Variants in ASPH observed in about 807,000 individuals in gnomAD.
ASPH encodes the protein aspartyl/asparaginyl beta-hydroxylase.
ASPH carries 100 observed loss-of-function variants against 118.4 expected under a neutral mutation model. The ratio of observed to expected loss-of-function variants is 0.84; its 90% CI spans 0.72 to 1.00. The LOEUF is 1.00. Among genes scored for constraint, ASPH ranks in the 50% least tolerant of loss-of-function variants. ASPH has a pLI of 0.00. For missense variants in ASPH, 920 were observed against 919.5 expected, an observed-to-expected ratio of 1.00 and a Z score of -0.01; for synonymous variants, 315 against 325.6, an observed-to-expected ratio of 0.97 and a Z score of 0.35.
At chr8:61,509,117 G>A (rs1807814670) in intron 24 of ASPH, among the ~76,000 whole-genome samples, 1 of 152,034 alleles carries the variant, frequency 6.6e-6, no homozygotes. Context: ...AGGCACTGAA[G>A]GAGGAGGAAA....
chr8:61,567,749 C>T (rs1406600271), intron 16 of ASPH, among the ~76,000 whole-genome samples: 1 of 152,158 alleles, frequency 6.6e-6, no homozygotes, highest in Non-Finnish European at 1.5e-5. Context: ...ACTGACAAAG[C>T]CCTTTTTGCT....
At chr8:61,538,834 T>C (rs898580045) in intron 21 of ASPH, among the ~76,000 whole-genome samples, 1 of 152,268 alleles carries the variant, frequency 6.6e-6, no homozygotes, top group Non-Finnish European at 1.5e-5. Context: ...TTTATGATGC[T>C]GTTTGGATGT....
intron 3 of ASPH, chr8:61,676,317 G>C: frequency 6.3e-6 from 10 of 1,580,614 alleles, no homozygotes; most frequent in Admixed American, 1.8e-5. Flanking sequence ...TCTTTGGTCA[G>C]GCCTACATAA....
intron 22 of ASPH, among the ~76,000 whole-genome samples, chr8:61,523,320 CTTTTTTTT>C (rs781759491): frequency 8.5e-6 from 1 of 118,232 alleles, no homozygotes; most frequent in Non-Finnish European, 2.0e-5. Flanking sequence ...TTCTTTCTTT[CTTTTTTTT>C]TTTTTTTTTG....
chr8:61,566,923 A>T (rs1014764271), intron 17 of ASPH, among the ~76,000 whole-genome samples: 3 of 152,204 alleles, frequency 2.0e-5, no homozygotes, highest in Non-Finnish European at 2.9e-5. Flanking sequence ...AAATTTGTGT[A>T]ACTCTCTTTA....
intron 1 of ASPH, among the ~76,000 whole-genome samples, chr8:61,689,071 AG>A (rs530066127): frequency 4.6e-5 from 7 of 152,360 alleles, no homozygotes; most frequent in Admixed American, 4.6e-4. Flanking sequence ...ATTAATGGAA[AG>A]ACTATCTTAA....
chr8:61,706,490 G>A (rs2151905514), intron 1 of ASPH, among the ~76,000 whole-genome samples: 1 of 148,894 alleles, frequency 6.7e-6, no homozygotes, highest in African/African-American at 2.5e-5. Context: ...AAAGAAGAAA[G>A]AAGAAAAAAG....
chr8:61,713,193 C>A (rs1838483323), intron 1 of ASPH, among the ~76,000 whole-genome samples: 1 of 152,210 alleles, frequency 6.6e-6, no homozygotes, highest in South Asian at 2.1e-4. Context: ...ATTTAATGCA[C>A]TACTTTCCCC....
chr8:61,653,025 T>C (rs1811845326), intron 4 of ASPH, among the ~76,000 whole-genome samples: 1 of 152,186 alleles, frequency 6.6e-6, no homozygotes, highest in Non-Finnish European at 1.5e-5. Flanking sequence ...TATTAAAATA[T>C]TTCACGACTT....
intron 16 of ASPH, among the ~76,000 whole-genome samples, chr8:61,568,043 T>C (rs1832325980): frequency 6.6e-6 from 1 of 151,634 alleles, no homozygotes; most frequent in African/African-American, 2.4e-5. Flanking sequence ...GCCAGTGCAG[T>C]GGAGGGGAGG....
At chr8:61,533,926 G>T (rs1563726908) in intron 21 of ASPH, among the ~76,000 whole-genome samples, 1 of 152,122 alleles carries the variant, frequency 6.6e-6, no homozygotes. Flanking sequence ...AAATGCATGT[G>T]CTCAGTTTGT....
chr8:61,595,720 A>G (rs2133191766), intron 14 of ASPH, among the ~76,000 whole-genome samples: 1 of 152,358 alleles, frequency 6.6e-6, no homozygotes, highest in South Asian at 2.1e-4. Context: ...ACACAGGGAA[A>G]TAAAAATAAG....
intron 5 of ASPH, among the ~76,000 whole-genome samples, chr8:61,648,900 T>G (rs1207505882): frequency 6.6e-6 from 1 of 152,140 alleles, no homozygotes; most frequent in Non-Finnish European, 1.5e-5. Flanking sequence ...GTCTGAAAGA[T>G]GTGATTGGGC....
chr8:61,580,916 C>G (rs752558949), intron 15 of ASPH, among the ~76,000 whole-genome samples: 2 of 152,202 alleles, frequency 1.3e-5, no homozygotes, highest in South Asian at 2.1e-4. Context: ...AGACACATAT[C>G]TTTTGGGGGT....
intron 21 of ASPH, among the ~76,000 whole-genome samples, chr8:61,547,063 T>A (rs1165550795): frequency 1.3e-5 from 2 of 152,192 alleles, no homozygotes; most frequent in Non-Finnish European, 2.9e-5. Context: ...GTAAGATACA[T>A]GAAGTTTTTA....
intron 19 of ASPH, among the ~76,000 whole-genome samples, chr8:61,554,216 C>T (rs1563797928): frequency 6.6e-6 from 1 of 152,240 alleles, no homozygotes; most frequent in Non-Finnish European, 1.5e-5. Context: ...CAGGGACAGC[C>T]CCATCCCAAG....
chr8:61,695,729 A>T (rs1833777307), intron 1 of ASPH, among the ~76,000 whole-genome samples: 1 of 152,236 alleles, frequency 6.6e-6, no homozygotes, highest in African/African-American at 2.4e-5. Context: ...TGCCACGTTC[A>T]TTACTGTACA....
At chr8:61,513,380 C>T (rs761654148) in intron 24 of ASPH, among the ~76,000 whole-genome samples, 2 of 152,316 alleles carry the variant, frequency 1.3e-5, no homozygotes, top group Admixed American at 6.5e-5. Context: ...CTTTAATTGA[C>T]CCATTTCTCT....
At chr8:61,684,704 T>C (rs1406938359) in intron 1 of ASPH, 1 of 152,492 alleles carries the variant, frequency 6.6e-6, no homozygotes, top group Non-Finnish European at 1.5e-5. Flanking sequence ...ACAAGATCCG[T>C]TGAGGCCTAA....
Sources: allele counts gnomAD v4.1 joint callset (sites outside exome capture counted in the v4.1 genomes callset), GRCh38; gene constraint gnomAD v4.1.1; transcripts MANE v1.5; gene names NCBI Gene and HGNC (gene_info 2026-07-23, HGNC 2026-07-21).